The following RTN4 variants were observed in gnomAD, a reference collection of about 807,000 sequenced individuals.
The protein encoded by RTN4 is reticulon 4.
RTN4 carries 32 observed loss-of-function variants against 90.4 expected under a neutral mutation model. The observed-to-expected ratio is 0.35, with a 90% confidence interval of 0.27 to 0.48. The LOEUF is 0.48. Ranked by LOEUF, RTN4 falls within the 20% of genes least tolerant of loss-of-function variation. The pLI is 0.99. For missense variants in RTN4, 1,706 were observed against 1,430.2 expected, an observed-to-expected ratio of 1.19 and a Z score of -3.11; for synonymous variants, 629 against 552.5, an observed-to-expected ratio of 1.14 and a Z score of -1.94.
intron 1 of RTN4, among the ~76,000 whole-genome samples, chr2:55,095,024 A>C (rs1341061380): frequency 6.6e-6 from 1 of 152,176 alleles, no homozygotes; most frequent in African/African-American, 2.4e-5. Flanking sequence ...AACATGCAAT[A>C]TCCAAATACC....
the RTN4 span, among the ~76,000 whole-genome samples, chr2:55,134,454 G>A: frequency 6.6e-6 from 1 of 152,092 alleles, no homozygotes; most frequent in African/African-American, 2.4e-5. Context: ...AAAGTCCAGA[G>A]ACAGCCCCCA....
In RTN4 at chr2:55,028,174, G is replaced by A; in HGVS notation, c.603C>T (p.Arg201=). ...ALPAASEPVI[R]SSAENMDLKE... ...GCAGAAAGAACTTGCCTGCAGAGGA[G>A]CGTATCACAGGCTCAGATGCAGCAG... is the stretch of plus-strand genomic sequence containing the variant. The change falls in exon 2 of 9, where the codon CGC becomes CGT. Residue 201 remains arginine (R), a synonymous_variant. Coordinates refer to ENST00000337526, the MANE Select transcript of RTN4 (RefSeq NM_020532.5). 1 of 1,612,846 alleles carries A rather than the reference G, an allele frequency of 6.2e-7. No individual in the cohort carries two copies.
rs764660726 is a variant in RTN4 at position 55,019,159 on chromosome 2, C to T, written c.3013+5927G>A. Among the ~76,000 whole-genome samples, 9 of 152,106 alleles carry T rather than the reference C, an allele frequency of 5.9e-5. No individual in the cohort carries two copies. The East Asian group carries it at 1.4e-3, about 23-fold the overall frequency. On this transcript the variant is annotated intron_variant, in intron 3 of 8. Coordinates refer to ENST00000337526, the MANE Select transcript of RTN4 (RefSeq NM_020532.5). The stretch of plus-strand genomic sequence containing the variant: ...CCATTGGAAAGAAAATGGAAATTCA[C>T]GGATCCATACTGATAATTAATTAGC...
intron 1 of RTN4, among the ~76,000 whole-genome samples, chr2:55,109,446 A>G (rs1240006885): frequency 6.6e-6 from 1 of 152,174 alleles, no homozygotes; most frequent in Admixed American, 6.5e-5. Context: ...TCCACTCTAT[A>G]GAAAAACCAA....
intron 5 of RTN4, 68 bp downstream of exon 5, chr2:54,982,447 A>C: frequency 7.2e-7 from 1 of 1,387,242 alleles, no homozygotes; most frequent in East Asian, 2.3e-5. Flanking sequence ...GAAGAACAGA[A>C]TTTTACACTC....
the RTN4 span, among the ~76,000 whole-genome samples, chr2:55,130,295 C>A: frequency 6.6e-6 from 1 of 152,150 alleles, no homozygotes; most frequent in Non-Finnish European, 1.5e-5. Context: ...CATGTACACT[C>A]CCCACTAAAC....
chr2:54,981,426 T>G (rs941313334), intron 5 of RTN4, among the ~76,000 whole-genome samples: 1 of 152,164 alleles, frequency 6.6e-6, no homozygotes, highest in Non-Finnish European at 1.5e-5. Context: ...AACATTTCTC[T>G]TGGAAATGAA....
At chr2:55,084,077 C>T (rs116389014) in intron 1 of RTN4, among the ~76,000 whole-genome samples, 4,030 of 152,256 alleles carry the variant, frequency 0.026, 79 homozygotes, top group South Asian at 0.036. Context: ...TACTCTGCAA[C>T]CTCCAGGAAG....
Position 55,049,936 on chromosome 2 carries a change from G to A in RTN4, c.365C>T (p.Pro122Leu). The A allele has an allele frequency of 2.2e-6, 3 of 1,344,966 alleles. No homozygotes were observed. The highest frequency in any genetic ancestry group is 4.1e-5 in the Admixed American group (1 of 24,496). 83.3% of individuals were successfully genotyped at this position (1,344,966 alleles called of 1,614,324 possible). A position where few individuals can be genotyped will look rare whatever the true frequency, so the allele number is the denominator to read the frequency against. ...GGGCGAGACTGCGGCAGCAGACAGC[G>A]GGGATGGCGCGGGCACGGTCGACGA... ...PVSSTVPAPS[P>L]LSAAAVSPSK... The change falls in exon 1 of 9, where the codon CCG (proline) becomes CTG (leucine). Residue 122 changes from proline to leucine, a missense_variant. Physicochemically the swap from Pro to Leu is moderately conservative, Grantham distance 98. Coordinates refer to ENST00000337526, the MANE Select transcript of RTN4 (RefSeq NM_020532.5).
At chr2:55,129,763 G>T in the RTN4 span, among the ~76,000 whole-genome samples, 2 of 152,066 alleles carry the variant, frequency 1.3e-5, no homozygotes, top group African/African-American at 4.8e-5. Flanking sequence ...GGGTTTCACC[G>T]TGTTAGCTAG....
chr2:54,974,694 C>T lies in RTN4; in HGVS notation c.3430+1G>A, dbSNP rs1358074477. The T allele has an allele frequency of 6.2e-7, 1 of 1,612,110 alleles. No individual in the cohort carries two copies. The highest frequency in any genetic ancestry group is 8.5e-7 in the Non-Finnish European group (1 of 1,178,330). The stretch of plus-strand genomic sequence containing the variant: ...TCATCCCAATGGCTTTGTAGACTTA[C>T]CCAAAATCAGTAGTGTCAGACCATT... On this transcript the variant is annotated splice_donor_variant, in intron 6 of 8. Coordinates refer to ENST00000337526, the MANE Select transcript of RTN4 (RefSeq NM_020532.5). LOFTEE classifies it high-confidence loss of function.
Position 54,972,315 on chromosome 2 carries a change from T to C in RTN4, c.*841A>G, listed in dbSNP as rs200486941. 2.1e-3 allele frequency: 316 copies of C among 152,770 alleles called. 3 individuals are homozygous for C. The highest frequency in any genetic ancestry group is 7.4e-3 in the African/African-American group (308 of 41,578). The allele number at this position is 152,770 out of a possible 1,614,324, so 9.5% of individuals were successfully genotyped here. A position where few individuals can be genotyped will look rare whatever the true frequency, so the allele number is the denominator to read the frequency against. ...ATTTTGTAATTAATAATTTCTTGCA[T>C]AACAATGTTTGATATTTGCAAACAA... On this transcript the variant is annotated 3_prime_UTR_variant, in exon 9 of 9. Transcript: ENST00000337526.
chr2:55,115,199 T>G (rs190799668), upstream of RTN4, among the ~76,000 whole-genome samples: 1 of 152,360 alleles, frequency 6.6e-6, no homozygotes, highest in East Asian at 1.9e-4. Context: ...AAGTCTGACA[T>G]GAATCTTACT....
In RTN4 at chr2:54,988,713, G is replaced by A. The variant is rs551290434; in HGVS notation, c.3014-1015C>T. On this transcript the variant is annotated intron_variant, in intron 3 of 8. Coordinates refer to ENST00000337526, the MANE Select transcript of RTN4 (RefSeq NM_020532.5). ...AGATATAATGCCATAAAAATTTAGG[G>A]GTCAAAGAAAAAAGAAAAGTAAATG... 6.6e-5 allele frequency among the ~76,000 whole-genome samples: 10 copies of A among 152,064 alleles called. No homozygotes were observed. In the South Asian group the frequency reaches 1.9e-3, roughly 28 times the overall value.
At chr2:55,125,734 C>A in the RTN4 span, among the ~76,000 whole-genome samples, 8 of 152,058 alleles carry the variant, frequency 5.3e-5, no homozygotes, top group South Asian at 4.2e-4. Flanking sequence ...CCAGTACACC[C>A]CAGCTTGCAT....
At chr2:55,120,039 C>T in the RTN4 span, among the ~76,000 whole-genome samples, 3 of 152,192 alleles carry the variant, frequency 2.0e-5, no homozygotes, top group South Asian at 6.2e-4. Flanking sequence ...ACCCATGCCT[C>T]GCTGTGGGCT....
intron 3 of RTN4, among the ~76,000 whole-genome samples, chr2:55,009,749 G>A (rs983663647): frequency 6.6e-6 from 1 of 152,164 alleles, no homozygotes; most frequent in Non-Finnish European, 1.5e-5. Context: ...ATGTCACTGT[G>A]AAACACAAAA....
chr2:55,131,114 T>G, the RTN4 span, among the ~76,000 whole-genome samples: 4 of 152,278 alleles, frequency 2.6e-5, no homozygotes, highest in Admixed American at 2.0e-4. Flanking sequence ...TTCTCACTCT[T>G]TCACCCAGGC....
Position 55,072,748 on chromosome 2 carries a change from C to G in RTN4, c.-63+7741G>C, listed in dbSNP as rs941061659. On this transcript the variant is annotated intron_variant, in intron 2 of 3. Coordinates refer to the RTN4 transcript ENST00000427710. The stretch of plus-strand genomic sequence containing the variant: ...ATATGCATTCTAATTTTGAAATTCC[C>G]CAAAGGAATGTTTACATGATCTTCA... Among the ~76,000 whole-genome samples the G allele has an allele frequency of 5.3e-5, 8 of 152,214 alleles. No homozygotes were observed. In the East Asian group the frequency reaches 1.5e-3, roughly 29 times the overall value.
Sources: allele counts gnomAD v4.1 joint callset (sites outside exome capture counted in the v4.1 genomes callset), GRCh38; gene constraint gnomAD v4.1.1; transcripts MANE v1.5; gene names NCBI Gene and HGNC (gene_info 2026-07-23, HGNC 2026-07-21).